NFYA: variants seen among roughly 807,000 people sequenced by gnomAD.
NFYA encodes the protein CAAT-box DNA binding protein subunit A.
NFYA carries 28 observed loss-of-function variants against 52.8 expected under a neutral mutation model. The ratio of observed to expected loss-of-function variants is 0.53; its 90% CI spans 0.39 to 0.73. The LOEUF is 0.73. Among genes scored for constraint, NFYA ranks in the 30% least tolerant of loss-of-function variants. The probability of loss-of-function intolerance (pLI) is 0.00; values close to 1 mark genes in which losing one functional copy is unlikely to be tolerated. For synonymous variants in NFYA, 150 were observed against 150.7 expected (o/e 1.00, Z 0.03); for missense variants, 234 against 427.0 (o/e 0.55, Z 3.98).
At chr6:41,087,268 A>T (rs535192974) in intron 4 of NFYA, among the ~76,000 whole-genome samples, 53 of 152,370 alleles carry the variant, frequency 3.5e-4, no homozygotes, top group African/African-American at 1.3e-3. Flanking sequence ...GGAAAAAATA[A>T]TTCAGAAGAC....
Position 41,084,211 on chromosome 6 carries a change from T to C in NFYA, c.309+19T>C, listed in dbSNP as rs749435561. ...GCAGCAAGTGAGTAATATTTAAAAATATTGAGCAGTATATCAGAGGAGAGG... is the reference window on the plus strand; with the variant it reads ...GCAGCAAGTGAGTAATATTTAAAAACATTGAGCAGTATATCAGAGGAGAGG... On this transcript the variant is annotated intron_variant, in intron 4 of 9. Transcript: ENST00000341376. 1.2e-6 allele frequency: 2 copies of C among 1,612,544 alleles called. No homozygotes were observed. The highest frequency in any genetic ancestry group is 2.7e-5 in the African/African-American group (2 of 74,888).
intron 4 of NFYA, among the ~76,000 whole-genome samples, chr6:41,087,487 A>G (rs968684412): frequency 2.0e-5 from 3 of 152,232 alleles, no homozygotes; most frequent in Admixed American, 1.3e-4. Flanking sequence ...TGACCTGGCT[A>G]TAAAAATCTA....
Position 41,084,122 on chromosome 6 carries a change from A to T in NFYA, c.239A>T (p.Gln80Leu). 6.2e-7 allele frequency: 1 copy of T among 1,614,208 alleles called. No homozygotes were observed. The highest frequency in any genetic ancestry group is 8.5e-7 in the Non-Finnish European group (1 of 1,180,026). ...TCAACTGGCCAACCCATCATGGTCC[A>T]GGCTGTCCCTGGTGGACAAGGTCAA... ...ITSTGQPIMV[Q>L]AVPGGQGQTI... Residue 80 changes from glutamine (Q) to leucine (L), a missense_variant, in exon 4 of 10, where the codon CAG becomes CTG. Physicochemically the swap from Gln to Leu is moderately radical, Grantham distance 113. Around this residue, in one of 3 missense-constraint regions of NFYA, gnomAD observed 118 missense variants for 182.4 expected, o/e 0.65. Coordinates refer to ENST00000341376, the MANE Select transcript of NFYA (RefSeq NM_002505.5).
At chr6:41,094,794 C>T (rs533515370) in intron 9 of NFYA, among the ~76,000 whole-genome samples, 3 of 152,126 alleles carry the variant, frequency 2.0e-5, no homozygotes, top group African/African-American at 7.2e-5. Context: ...CAAAAACTAG[C>T]CAGGCCTGGT....
chr6:41,079,123 A>C lies in NFYA; in HGVS notation c.34A>C (p.Thr12Pro). 6.2e-7 allele frequency: 1 copy of C among 1,614,226 alleles called. No homozygotes were observed. The highest frequency in any genetic ancestry group is 8.5e-7 in the Non-Finnish European group (1 of 1,180,030). Reference protein sequence around the residue: ...EQYTANSNSSTEQIVVQAGQI... With the variant: ...EQYTANSNSSPEQIVVQAGQI... ...GTATACAGCAAACAGCAATAGTTCGACAGAGCAGATTGTTGTCCAGGCAGG... is the reference window on the plus strand; with the variant it reads ...GTATACAGCAAACAGCAATAGTTCGCCAGAGCAGATTGTTGTCCAGGCAGG... Residue 12 changes from threonine to proline, a missense_variant, in exon 2 of 10, where the codon ACA (threonine) becomes CCA (proline). By Grantham distance (38) the Thr-to-Pro change is conservative. Coordinates refer to ENST00000341376, the MANE Select transcript of NFYA (RefSeq NM_002505.5).
At chr6:41,083,309 T>G (rs1582026529) in intron 3 of NFYA, among the ~76,000 whole-genome samples, 1 of 152,336 alleles carries the variant, frequency 6.6e-6, no homozygotes, top group Middle Eastern at 3.4e-3. Context: ...AATTTCAATA[T>G]TTGTTGTTGC....
rs1353696196 is a variant in NFYA at position 41,098,763 on chromosome 6, T to A, written c.*1353T>A. ...AAAGGTTTTCTCATTGCATCCATAC[T>A]GTGAGAATAAACTGCAGACTGAAAG... On this transcript the variant is annotated 3_prime_UTR_variant, in exon 10 of 10. Coordinates refer to ENST00000341376, the MANE Select transcript of NFYA (RefSeq NM_002505.5). 6.6e-6 allele frequency: 1 copy of A among 152,650 alleles called. No individual in the cohort carries two copies. The highest frequency in any genetic ancestry group is 2.4e-5 in the African/African-American group (1 of 41,442). 9.5% of individuals were successfully genotyped at this position (152,650 alleles called of 1,614,324 possible). A position where few individuals can be genotyped will look rare whatever the true frequency, so the allele number is the denominator to read the frequency against.
In NFYA at chr6:41,092,896, T is replaced by C; in HGVS notation, c.715-16T>C. 6.2e-7 allele frequency: 1 copy of C among 1,609,548 alleles called. No homozygotes were observed. The highest frequency in any genetic ancestry group is 8.5e-7 in the Non-Finnish European group (1 of 1,177,800). On this transcript the variant is annotated splice_polypyrimidine_tract_variant and intron_variant, in intron 7 of 9. Coordinates refer to ENST00000341376, the MANE Select transcript of NFYA (RefSeq NM_002505.5). ...ACTTCATGCCACCAATAAGCTCTGGTTTCCTGTTCACACAGATGGTTCCTG... is the reference window on the plus strand; with the variant it reads ...ACTTCATGCCACCAATAAGCTCTGGCTTCCTGTTCACACAGATGGTTCCTG...
Position 41,079,022 on chromosome 6 carries a change from C to A in NFYA, c.-61-7C>A. The stretch of plus-strand genomic sequence containing the variant: ...CACTTTAGTTTCTTTCCCCACCTTT[C>A]TAACAGGAGTGTACCTCACAGCCTT... On this transcript the variant is annotated splice_region_variant and splice_polypyrimidine_tract_variant and intron_variant, in intron 1 of 9. Transcript: ENST00000341376. The A allele has an allele frequency of 1.4e-6, 2 of 1,422,188 alleles. No homozygotes were observed. The highest frequency in any genetic ancestry group is 1.8e-4 in the Middle Eastern group (1 of 5,550). 88.1% of individuals were successfully genotyped at this position (1,422,188 alleles called of 1,614,324 possible).
At position 41,080,875 on chromosome 6, in the gene NFYA, A is replaced by T. The variant is rs751332244; in HGVS notation, c.140A>T (p.Gln47Leu). 6.2e-7 allele frequency: 1 copy of T among 1,614,052 alleles called. No homozygotes were observed. The highest frequency in any genetic ancestry group is 1.1e-5 in the South Asian group (1 of 91,080). Residue 47 changes from glutamine (Q) to leucine (L), a missense_variant, in exon 3 of 10, where the codon CAG becomes CTG. Physicochemically the swap from Gln to Leu is moderately radical, Grantham distance 113. This residue lies in a region of NFYA where 118 missense variants were observed against 182.4 expected (regional missense o/e 0.65). Coordinates refer to ENST00000341376, the MANE Select transcript of NFYA (RefSeq NM_002505.5). ...TEAQVASASG[Q>L]QVQTLQVVQG... ...GCCCAGGTGGCATCCGCCTCAGGCC[A>T]GCAAGTCCAGACCCTCCAGGTAGTG...
At position 41,101,454 on chromosome 6, in the gene NFYA, C is replaced by G. The variant is rs11961582; in HGVS notation, c.*4044C>G. Among the ~76,000 whole-genome samples the G allele has an allele frequency of 0.099, 15,089 of 152,186 alleles. 769 individuals carry two copies. Among genetic ancestry groups the G allele is most frequent in the Middle Eastern group, 0.15 (44 of 294 alleles). ...GGAAAGGATTTTTACAGGACCACGC[C>G]CCGGGCTTTGAACCCGTTTTTCCCA... On this transcript the variant is annotated 3_prime_UTR_variant, in exon 10 of 10. Transcript: ENST00000341376.
intron 3 of NFYA, among the ~76,000 whole-genome samples, chr6:41,081,211 C>T (rs764147096): frequency 1.3e-5 from 2 of 152,168 alleles, no homozygotes; most frequent in African/African-American, 2.4e-5. Context: ...AGGGCTCGGC[C>T]GGGCGCGGTG....
intron 3 of NFYA, 68 bp from the exon 4 acceptor site, chr6:41,083,978 A>G: frequency 6.9e-7 from 1 of 1,453,830 alleles, no homozygotes; most frequent in Non-Finnish European, 9.2e-7. Context: ...AGTTCCAGTG[A>G]TTGTCTTTTG....
chr6:41,078,452 A>G lies in NFYA; in HGVS notation c.-61-577A>G, dbSNP rs181667913. Among the ~76,000 whole-genome samples, 62 of 151,662 alleles carry G rather than the reference A, an allele frequency of 4.1e-4. 1 individual carries two copies. The highest frequency in any genetic ancestry group is 9.2e-4 in the Admixed American group (14 of 15,184). ...TTTATATATCTGTCCTCCCTCCCAT[A>G]TTTCCAAGATGAATTGCCGATTGCT... On this transcript the variant is annotated intron_variant, in intron 1 of 9. Transcript: ENST00000341376.
intron 3 of NFYA, among the ~76,000 whole-genome samples, chr6:41,082,911 T>C (rs1027704533): frequency 6.6e-6 from 1 of 152,204 alleles, no homozygotes; most frequent in Non-Finnish European, 1.5e-5. Context: ...GTGATTCTAA[T>C]ACATTAGTGG....
intron 4 of NFYA, 114 bp downstream of exon 4, chr6:41,084,306 T>C: frequency 8.0e-7 from 1 of 1,248,784 alleles, no homozygotes; most frequent in Non-Finnish European, 1.1e-6. Flanking sequence ...TAACCCACAT[T>C]TTGCATTCAG....
chr6:41,084,277 A>G (rs1479042176), intron 4 of NFYA, 85 bp downstream of exon 4: 1 of 1,464,652 alleles, frequency 6.8e-7, no homozygotes, highest in African/African-American at 1.4e-5. Flanking sequence ...GATAATTGAT[A>G]TTGCATTTAA....
At chr6:41,078,909 C>G in intron 1 of NFYA, 120 bp from the exon 2 acceptor site, 1 of 532,850 alleles carries the variant, frequency 1.9e-6, no homozygotes. Context: ...ATAAGCATTT[C>G]CTATTCTCCT....
At chr6:41,076,415 C>T (rs913382546) in intron 1 of NFYA, among the ~76,000 whole-genome samples, 19 of 152,160 alleles carry the variant, frequency 1.2e-4, no homozygotes, top group African/African-American at 4.3e-4. Flanking sequence ...TAAAAAGCTA[C>T]TGTTCTAGGC....
Sources: allele counts gnomAD v4.1 joint callset (sites outside exome capture counted in the v4.1 genomes callset), GRCh38; gene constraint gnomAD v4.1.1; regional missense constraint gnomAD v4.1.1; transcripts MANE v1.5; gene names NCBI Gene and HGNC (gene_info 2026-07-23, HGNC 2026-07-21).